The following DLG4 variants were observed in gnomAD, a reference collection of about 807,000 sequenced individuals.
DLG4 encodes disks large homolog 4.
In DLG4, 7 loss-of-function variants were observed where a neutral mutation model predicts 93.8. That is an observed-to-expected ratio of 0.07 (90% CI 0.04 to 0.14). The LOEUF is 0.14. DLG4 is among the 10% of genes least tolerant of loss of function. The pLI is 1.00. For synonymous variants in DLG4, 341 were observed against 387.6 expected, an observed-to-expected ratio of 0.88 and a Z score of 1.41; for missense variants, 545 against 992.9, an observed-to-expected ratio of 0.55 and a Z score of 6.06.
rs577189325 is a variant in DLG4 at position 7,193,436 on chromosome 17, C to T, written c.1693+47G>A. 9 of 1,494,244 alleles carry T rather than the reference C, an allele frequency of 6.0e-6. No homozygotes were observed. In the East Asian group the frequency reaches 1.6e-4, roughly 27 times the overall value. 92.6% of individuals were successfully genotyped at this position (1,494,244 alleles called of 1,614,324 possible). A position where few individuals can be genotyped will look rare whatever the true frequency, so the allele number is the denominator to read the frequency against. ...GCCCCAGGGATGGGCCTCCCCTGCC[C>T]CACCCCCACTTCCACCTTCTCCTCC... is the stretch of plus-strand genomic sequence containing the variant. On this transcript the variant is annotated intron_variant, in intron 16 of 19. Coordinates refer to ENST00000399506, the MANE Select transcript of DLG4 (RefSeq NM_001321075.3). The surrounding 1 kb of genome is among the most constrained non-coding windows in gnomAD (Gnocchi z 6.7).
rs2070025249 is a variant in DLG4 at position 7,199,928 on chromosome 17, C to A, written c.788-2876G>T. ...CCGGGAGGCGGAGCTTGCAGTGAGC[C>A]AAGATCGTGCCACTGCACTCCAGCC... On this transcript the variant is annotated intron_variant, in intron 8 of 19. Coordinates refer to ENST00000399506, the MANE Select transcript of DLG4 (RefSeq NM_001321075.3). Among the ~76,000 whole-genome samples, 4 of 143,376 alleles carry A rather than the reference C, an allele frequency of 2.8e-5. No individual in the cohort carries two copies. The South Asian group carries it at 6.5e-4, about 23-fold the overall frequency. The allele number at this position is 143,376 out of a possible 152,430, so 94.1% of individuals were successfully genotyped here. A position where few individuals can be genotyped will look rare whatever the true frequency, so the allele number is the denominator to read the frequency against.
At chr17:7,199,441 T>A (rs1381148067) in intron 8 of DLG4, among the ~76,000 whole-genome samples, 1 of 152,018 alleles carries the variant, frequency 6.6e-6, no homozygotes, top group East Asian at 1.9e-4. Context: ...CCTCAGGTGA[T>A]CCGCCTGCCT....
Position 7,210,352 on chromosome 17 carries a change from A to G in DLG4, c.31-2113T>C, listed in dbSNP as rs570347842. Among the ~76,000 whole-genome samples, 34 of 152,330 alleles carry G rather than the reference A, an allele frequency of 2.2e-4. No individual in the cohort carries two copies. The South Asian group carries it at 6.6e-3, about 30-fold the overall frequency. ...CTCAAATCAAGAAGCACCCTGATAC[A>G]TTTAAAGAGTCTTAAAGAAGGAAAA... On this transcript the variant is annotated intron_variant, in intron 1 of 19. Transcript: ENST00000399506.
At chr17:7,219,010 C>A, upstream of DLG4, 1 of 734,640 alleles carries the variant, frequency 1.4e-6, no homozygotes, top group Non-Finnish European at 2.3e-6. Context: ...CCATCTTGCT[C>A]CACACACCCT....
At chr17:7,211,654 G>GTACC in intron 1 of DLG4, 4 of 982,414 alleles carry the variant, frequency 4.1e-6, no homozygotes, top group Non-Finnish European at 4.8e-6. Flanking sequence ...ACCGCGGCAC[G>GTACC]TACCACGCAG....
rs1020381994 is a variant in DLG4, at chr17:7,194,891, T to A, written c.1302-396A>T. 2.0e-5 allele frequency among the ~76,000 whole-genome samples: 3 copies of A among 151,328 alleles called. No homozygotes were observed. Among genetic ancestry groups the A allele is most frequent in the African/African-American group, 7.3e-5 (3 of 41,164 alleles). ...AATATTAGCCGGGCACGGTGGCGGG[T>A]GCCTGTATTCCCAGCTTCTCGGGAG... On this transcript the variant is annotated intron_variant, in intron 11 of 19. Transcript: ENST00000399506. The surrounding 1 kb of genome is among the most constrained non-coding windows in gnomAD (Gnocchi z 4.4).
Position 7,190,191 on chromosome 17 carries a change from C to G in DLG4, c.*517G>C, listed in dbSNP as rs189508139. ...GCTGCGGAGTCCCCTGCTTCTCCCC[C>G]CAAAAAACCACCTTTGAGAAGAAAA... On this transcript the variant is annotated 3_prime_UTR_variant, in exon 20 of 20. Transcript: ENST00000399506. 151 of 152,912 alleles carry G rather than the reference C, an allele frequency of 9.9e-4. 1 individual carries two copies. The highest frequency in any genetic ancestry group is 1.7e-3 in the Non-Finnish European group (118 of 68,638). The allele number at this position is 152,912 out of a possible 1,614,324, so 9.5% of individuals were successfully genotyped here. A position where few individuals can be genotyped will look rare whatever the true frequency, so the allele number is the denominator to read the frequency against.
intron 8 of DLG4, 87 bp downstream of exon 8, chr17:7,202,816 G>C (rs556960138): frequency 6.6e-7 from 1 of 1,523,898 alleles, no homozygotes; most frequent in Non-Finnish European, 9.1e-7. Flanking sequence ...ATCTGAAGAG[G>C]GACAGCTACA....
intron 1 of DLG4, among the ~76,000 whole-genome samples, chr17:7,212,513 C>G (rs551576157): frequency 2.0e-5 from 3 of 152,162 alleles, no homozygotes; most frequent in Non-Finnish European, 4.4e-5. Context: ...TCCAAACCCC[C>G]GAATCTAATA....
In DLG4 at chr17:7,203,963, A is replaced by C; in HGVS notation, c.210+45T>G. On this transcript the variant is annotated intron_variant, in intron 4 of 19. Transcript: ENST00000399506. This position sits in a 1 kb window ranked among gnomAD's most constrained non-coding sequence, Gnocchi z 7.2. ...CAGACCACATGGCAGAAAGAAAGGT[A>C]CAGACGGGAGGCCACGGGGACTGCC... 6.2e-7 allele frequency: 1 copy of C among 1,602,184 alleles called. No individual in the cohort carries two copies. Among genetic ancestry groups the C allele is most frequent in the Non-Finnish European group, 8.5e-7 (1 of 1,174,264 alleles).
At chr17:7,204,555 A>T in intron 2 of DLG4, 1 of 388,890 alleles carries the variant, frequency 2.6e-6, no homozygotes, top group Non-Finnish European at 4.6e-6. Context: ...CCAGACGGAG[A>T]GGGGAGCAGC....
chr17:7,190,926 A>C, intron 19 of DLG4, 112 bp from the exon 20 acceptor site: 2 of 845,006 alleles, frequency 2.4e-6, no homozygotes, highest in African/African-American at 3.5e-5. Context: ...TCTCCAAGCC[A>C]TAAGTCCTGG....
At chr17:7,214,231 G>A (rs1172252643) in intron 1 of DLG4, among the ~76,000 whole-genome samples, 1 of 152,032 alleles carries the variant, frequency 6.6e-6, no homozygotes, top group Non-Finnish European at 1.5e-5. Context: ...AGACCCCCGC[G>A]CCCTGAAGTT....
chr17:7,217,615 GGGAGAGAGGA>G lies in DLG4; in HGVS notation c.-478_-469del. 2 of 1,439,184 alleles carry G rather than the reference GGGAGAGAGGA, an allele frequency of 1.4e-6. No homozygotes were observed. Among genetic ancestry groups the G allele is most frequent in the Non-Finnish European group, 9.2e-7 (1 of 1,088,582 alleles). The allele number at this position is 1,439,184 out of a possible 1,614,324, so 89.2% of individuals were successfully genotyped here. ...GGAGCCGTGGAGCCGAAGAGGGAAG[GGGAGAGAGGA>G]GGAGAGAGGAAGCAGGGGGAGGGAG... On this transcript the variant is annotated 5_prime_UTR_variant, in exon 1 of 20. Transcript: ENST00000399506.
chr17:7,193,273 C>T lies in DLG4; in HGVS notation c.1694-156G>A, dbSNP rs1597442903. 4.6e-5 allele frequency among the ~76,000 whole-genome samples: 7 copies of T among 152,178 alleles called. No homozygotes were observed. The South Asian group carries it at 1.5e-3, about 32-fold the overall frequency. ...GACTGCAGAGGGCCAGAACCGCTTC[C>T]CCTAGCACCCTCCAGGGCCTCCAAG... On this transcript the variant is annotated intron_variant, in intron 16 of 19. Transcript: ENST00000399506. This position sits in a 1 kb window ranked among gnomAD's most constrained non-coding sequence, Gnocchi z 6.7.
upstream of DLG4, chr17:7,217,923 G>A (rs2071010203): frequency 8.1e-6 from 9 of 1,112,212 alleles, no homozygotes; most frequent in Admixed American, 2.1e-5. Context: ...GTAGGGGGTC[G>A]GGTGTGAGGG....
At position 7,196,183 on chromosome 17, in the gene DLG4, A is replaced by G. The variant is rs767718352; in HGVS notation, c.1301+37T>C. The G allele has an allele frequency of 1.3e-6, 2 of 1,527,042 alleles. No individual in the cohort carries two copies. Among genetic ancestry groups the G allele is most frequent in the South Asian group, 2.2e-5 (2 of 88,980 alleles). 94.6% of individuals were successfully genotyped at this position (1,527,042 alleles called of 1,614,324 possible). On this transcript the variant is annotated intron_variant, in intron 11 of 19. Coordinates refer to ENST00000399506, the MANE Select transcript of DLG4 (RefSeq NM_001321075.3). This position sits in a 1 kb window ranked among gnomAD's most constrained non-coding sequence, Gnocchi z 8.3. ...CCAGGCACAGAGTGCCCAGGAACGC[A>G]GAGGGGCTGAGGAGTCCAGCCCGGG...
In DLG4 at chr17:7,195,373, C is replaced by T. The variant is rs932065130; in HGVS notation, c.1301+847G>A. On this transcript the variant is annotated intron_variant, in intron 11 of 19. Coordinates refer to ENST00000399506, the MANE Select transcript of DLG4 (RefSeq NM_001321075.3). The surrounding 1 kb of genome is among the most constrained non-coding windows in gnomAD (Gnocchi z 4.3). ...AGTCAGAACAACCTTGGGGACCAACCGGACCCGAGCAGGGAGGAAGGGCAG... is the reference window on the plus strand; with the variant it reads ...AGTCAGAACAACCTTGGGGACCAACTGGACCCGAGCAGGGAGGAAGGGCAG... Among the ~76,000 whole-genome samples, 7 of 152,088 alleles carry T rather than the reference C, an allele frequency of 4.6e-5. No individual in the cohort carries two copies. The highest frequency in any genetic ancestry group is 1.0e-4 in the Non-Finnish European group (7 of 68,016).
In DLG4 at chr17:7,189,783, AT is replaced by A; in HGVS notation, c.*924del. On this transcript the variant is annotated 3_prime_UTR_variant, in exon 20 of 20. Transcript: ENST00000399506. ...GATTTGCCAGTTACCTCCCTGGCCC[AT>A]TTTCCAGGCCACTAACCTCTCTGGC... 6.6e-6 allele frequency: 1 copy of A among 152,522 alleles called. No individual in the cohort carries two copies. The highest frequency in any genetic ancestry group is 1.5e-5 in the Non-Finnish European group (1 of 68,048). 9.4% of individuals were successfully genotyped at this position (152,522 alleles called of 1,614,324 possible).
Sources: gnomAD v4.1 joint callset for allele counts (sites outside exome capture counted in the v4.1 genomes callset) on GRCh38, gnomAD v4.1.1 for gene constraint, Gnocchi (gnomAD v3.1) non-coding constraint, MANE v1.5 for transcripts, NCBI Gene and HGNC (gene_info 2026-07-23, HGNC 2026-07-21) for gene names.